Variants in ALPK1 observed in about 807,000 individuals in gnomAD.
The protein encoded by ALPK1 is alpha-protein kinase 1.
In ALPK1, 110 loss-of-function variants were observed where a neutral mutation model predicts 120.6. The observed-to-expected ratio is 0.91, with a 90% CI of 0.78 to 1.07. ALPK1 has a LOEUF of 1.07. ALPK1 is among the 50% of genes least tolerant of loss of function. The probability of loss-of-function intolerance (pLI) is 0.00; values close to 1 mark genes in which losing one functional copy is unlikely to be tolerated. For synonymous variants in ALPK1, 582 were observed against 560.3 expected, an observed-to-expected ratio of 1.04 and a Z score of -0.55; for missense variants, 1,498 against 1,483.9, an observed-to-expected ratio of 1.01 and a Z score of -0.16.
intron 1 of ALPK1, among the ~76,000 whole-genome samples, chr4:112,307,885 C>A (rs1217334153): frequency 6.6e-6 from 1 of 152,074 alleles, no homozygotes; most frequent in African/African-American, 2.4e-5. Context: ...GTGGCTGGTA[C>A]TGGTTTTTCC....
In ALPK1 at chr4:112,432,092, T is replaced by C; in HGVS notation, c.2545T>C (p.Ser849Pro). ...AGAGCAGGGCATCGACCCTGATGCC[T>C]CCACAGTGGATGAGGAGGGGCAACT... Reference protein sequence around the residue: ...VAEQGIDPDASTVDEEGQLLD... With the variant: ...VAEQGIDPDAPTVDEEGQLLD... Residue 849 changes from serine (S) to proline (P), a missense_variant, in exon 11 of 16, where the codon TCC becomes CCC. Physicochemically the swap from Ser to Pro is moderately conservative, Grantham distance 74. Transcript: ENST00000650871. The C allele has an allele frequency of 6.2e-7, 1 of 1,614,146 alleles. No individual in the cohort carries two copies. The highest frequency in any genetic ancestry group is 8.5e-7 in the Non-Finnish European group (1 of 1,180,010).
chr4:112,320,304 T>C (rs1728812694), intron 2 of ALPK1, among the ~76,000 whole-genome samples: 1 of 152,270 alleles, frequency 6.6e-6, no homozygotes. Context: ...GACATGATCA[T>C]GTGATTTTTA....
intron 2 of ALPK1, among the ~76,000 whole-genome samples, chr4:112,372,372 C>G (rs1361653272): frequency 6.6e-6 from 1 of 152,012 alleles, no homozygotes; most frequent in African/African-American, 2.4e-5. Context: ...GCCACCACAC[C>G]CGGCTAATTT....
chr4:112,439,919 T>A (rs1734960368), intron 14 of ALPK1, 47 bp downstream of exon 14: 2 of 1,450,950 alleles, frequency 1.4e-6, no homozygotes, highest in South Asian at 1.4e-5. Flanking sequence ...TATATGTAAA[T>A]GTGAAGTTTT....
At chr4:112,395,182 A>G (rs770338321) in intron 4 of ALPK1, among the ~76,000 whole-genome samples, 2 of 152,182 alleles carry the variant, frequency 1.3e-5, no homozygotes, top group Non-Finnish European at 2.9e-5. Flanking sequence ...CATATTGCAG[A>G]TGAGATGATT....
chr4:112,351,720 C>T (rs776386157), intron 2 of ALPK1, among the ~76,000 whole-genome samples: 26 of 152,218 alleles, frequency 1.7e-4, no homozygotes, highest in East Asian at 7.7e-4. Flanking sequence ...GTGATCTGCC[C>T]GCCTCAACCT....
At chr4:112,318,016 G>T (rs1728711887) in intron 2 of ALPK1, among the ~76,000 whole-genome samples, 1 of 152,140 alleles carries the variant, frequency 6.6e-6, no homozygotes, top group Non-Finnish European at 1.5e-5. Flanking sequence ...ATAAAAATGA[G>T]AAGAATTTGA....
chr4:112,422,568 T>A (rs1474786776), intron 5 of ALPK1, among the ~76,000 whole-genome samples: 5 of 152,214 alleles, frequency 3.3e-5, no homozygotes, highest in African/African-American at 1.2e-4. Context: ...GTCTCCAAAG[T>A]TTTTGTTATA....
intron 2 of ALPK1, among the ~76,000 whole-genome samples, chr4:112,365,048 G>A (rs755517866): frequency 6.6e-6 from 1 of 151,976 alleles, no homozygotes. Context: ...GTATAGAAAG[G>A]CCATACCTTA....
At chr4:112,435,048 T>A in intron 11 of ALPK1, 100 bp from the exon 12 acceptor site, 1 of 1,166,804 alleles carries the variant, frequency 8.6e-7, no homozygotes, top group Non-Finnish European at 1.2e-6. Context: ...AAGTGAAGAT[T>A]TCAGGTGAGC....
At position 112,435,393 on chromosome 4, in the gene ALPK1, A is replaced by G. The variant is rs189459091; in HGVS notation, c.3188+92A>G. On this transcript the variant is annotated intron_variant, in intron 12 of 15. Transcript: ENST00000650871. Reference sequence around the variant, plus strand: ...CACTCATGAGACTTCGTAGGGGCTGAAAAACTTGGCCAAAATATATTTCCA... The same window carrying G: ...CACTCATGAGACTTCGTAGGGGCTGGAAAACTTGGCCAAAATATATTTCCA... 161 of 1,251,156 alleles carry G rather than the reference A, an allele frequency of 1.3e-4. 1 individual carries two copies. The East Asian group carries it at 3.2e-3, about 25-fold the overall frequency. The allele number at this position is 1,251,156 out of a possible 1,614,324, so 77.5% of individuals were successfully genotyped here. A position where few individuals can be genotyped will look rare whatever the true frequency, so the allele number is the denominator to read the frequency against.
chr4:112,413,369 G>T (rs542400620), intron 5 of ALPK1, among the ~76,000 whole-genome samples: 1 of 152,198 alleles, frequency 6.6e-6, no homozygotes. Context: ...AAACAGGGAC[G>T]TTGACAGCTT....
At chr4:112,365,194 G>C (rs1334599441) in intron 2 of ALPK1, among the ~76,000 whole-genome samples, 1 of 152,130 alleles carries the variant, frequency 6.6e-6, no homozygotes, top group East Asian at 1.9e-4. Flanking sequence ...AGTGCTGGAA[G>C]TCCTAGCCAG....
intron 2 of ALPK1, chr4:112,353,150 A>G (rs1730440413): frequency 6.6e-6 from 1 of 151,228 alleles, no homozygotes; most frequent in African/African-American, 2.4e-5. Flanking sequence ...TAATTTTTGT[A>G]TCTTTTGTAA....
chr4:112,368,575 A>G (rs1035172354), intron 2 of ALPK1, among the ~76,000 whole-genome samples: 1 of 152,146 alleles, frequency 6.6e-6, no homozygotes, highest in Non-Finnish European at 1.5e-5. Context: ...GATTGAGGTT[A>G]ATTTTTTAAA....
Position 112,431,610 on chromosome 4 carries a change from C to T in ALPK1, c.2063C>T (p.Ala688Val), listed in dbSNP as rs1163005499. The T allele has an allele frequency of 1.9e-6, 3 of 1,614,142 alleles. No individual in the cohort carries two copies. Among genetic ancestry groups the T allele is most frequent in the Non-Finnish European group, 2.5e-6 (3 of 1,180,020 alleles). ...NTPGIFLAPGAGLLEGAPEGI... is the reference protein window; with the variant it reads ...NTPGIFLAPGVGLLEGAPEGI... ...CCAGGCATTTTCTTGGCCCCTGGTG[C>T]AGGGCTTCTAGAAGGAGCTCCAGAA... Residue 688 changes from alanine (A) to valine (V), a missense_variant, in exon 11 of 16, where the codon GCA becomes GTA. Ala to Val is a moderately conservative substitution (Grantham distance 64). Transcript: ENST00000650871.
At position 112,430,664 on chromosome 4, in the gene ALPK1, G is replaced by C; in HGVS notation, c.1117G>C (p.Gly373Arg). The C allele has an allele frequency of 6.2e-7, 1 of 1,614,202 alleles. No homozygotes were observed. Among genetic ancestry groups the C allele is most frequent in the Non-Finnish European group, 8.5e-7 (1 of 1,180,026 alleles). ...TVHRRLHGET[G>R]TVHAASQLCK... ...GCACAGAAGGCTCCATGGGGAGACA[G>C]GGACGGTCCATGCAGCAAGTCAGCT... Residue 373 changes from glycine (G) to arginine (R), a missense_variant, in exon 11 of 16, where the codon GGG (glycine) becomes CGG (arginine). Coordinates refer to ENST00000650871, the MANE Select transcript of ALPK1 (RefSeq NM_025144.4).
chr4:112,426,511 G>A lies in ALPK1; in HGVS notation c.667G>A (p.Gly223Arg). The A allele has an allele frequency of 6.3e-7, 1 of 1,590,968 alleles. No homozygotes were observed. The highest frequency in any genetic ancestry group is 8.5e-7 in the Non-Finnish European group (1 of 1,171,498). ...AGAGTTAATATGGGCCTCCATTGTA[G>A]GATATTTGGCACTTCCTCAGCCGGA... ...AAELIWASIV[G>R]YLALPQPDKK... The change falls in exon 8 of 16, where the codon GGA becomes AGA. Residue 223 changes from glycine (G) to arginine (R), a missense_variant. By Grantham distance (125) the Gly-to-Arg change is moderately radical. Coordinates refer to ENST00000650871, the MANE Select transcript of ALPK1 (RefSeq NM_025144.4).
At chr4:112,350,392 G>A (rs1337594492) in intron 2 of ALPK1, among the ~76,000 whole-genome samples, 1 of 152,130 alleles carries the variant, frequency 6.6e-6, no homozygotes, top group Non-Finnish European at 1.5e-5. Flanking sequence ...GCTTCATGCT[G>A]TTTTCATGTA....
Sources: gnomAD v4.1 joint callset for allele counts (sites outside exome capture counted in the v4.1 genomes callset) on GRCh38, gnomAD v4.1.1 for gene constraint, MANE v1.5 for transcripts, NCBI Gene and HGNC (gene_info 2026-07-23, HGNC 2026-07-21) for gene names.